The following HEG1 variants were observed in gnomAD, a reference collection of about 807,000 sequenced individuals.
The protein encoded by HEG1 is heart development protein with EGF like domains 1.
In HEG1, 56 loss-of-function variants were observed where a neutral mutation model predicts 125.6. The ratio of observed to expected loss-of-function variants is 0.45; its 90% CI spans 0.36 to 0.56. HEG1 has a LOEUF of 0.56. Among genes scored for constraint, HEG1 ranks in the 20% least tolerant of loss-of-function variants. HEG1 has a pLI of 0.00. For synonymous variants in HEG1, 644 were observed against 668.5 expected (o/e 0.96, Z 0.57); for missense variants, 1,523 against 1,670.0 (o/e 0.91, Z 1.53).
intron 1 of HEG1, among the ~76,000 whole-genome samples, chr3:125,038,297 G>A (rs746212506): frequency 6.6e-6 from 1 of 152,220 alleles, no homozygotes; most frequent in Non-Finnish European, 1.5e-5. Flanking sequence ...GGTATAGGGA[G>A]AGCTTAGGAC....
At chr3:124,983,091 C>A (rs965592273) in intron 14 of HEG1, among the ~76,000 whole-genome samples, 2 of 152,198 alleles carry the variant, frequency 1.3e-5, no homozygotes, top group African/African-American at 4.8e-5. Flanking sequence ...AGCTTCCTTC[C>A]TCCACTTCCT....
rs752041871 is a variant in HEG1 at position 125,009,791 on chromosome 3, G to C, written c.3107C>G (p.Ser1036Cys). The change falls in exon 8 of 17, where the codon TCC (serine) becomes TGC (cysteine). Residue 1036 changes from serine (S) to cysteine (C), a missense_variant. Ser to Cys is a moderately radical substitution (Grantham distance 112). Transcript: ENST00000311127. ...VNECLSNPCP[S>C]TAMCNNTQGS... is the part of the protein sequence containing the mutation. ...CTGAGTATTGTTGCACATGGCTGTG[G>C]ATGGGCAGGGGTTCGACAGGCACTC... 18 of 1,613,616 alleles carry C rather than the reference G, an allele frequency of 1.1e-5. No homozygotes were observed. In the South Asian group the frequency reaches 2.0e-4, roughly 18 times the overall value.
chr3:124,971,760 G>C (rs983847860), intron 16 of HEG1, among the ~76,000 whole-genome samples: 2 of 147,852 alleles, frequency 1.4e-5, no homozygotes, highest in Admixed American at 1.4e-4. Context: ...AAAGTGCTGG[G>C]ATTATAGGCG....
chr3:124,996,781 C>T (rs942733661), intron 12 of HEG1, among the ~76,000 whole-genome samples: 5 of 152,218 alleles, frequency 3.3e-5, no homozygotes, highest in Non-Finnish European at 7.3e-5. Flanking sequence ...ATTCCAGTAA[C>T]ATCCATTGAC....
At chr3:125,039,283 A>T (rs1317482318) in intron 1 of HEG1, among the ~76,000 whole-genome samples, 1 of 152,120 alleles carries the variant, frequency 6.6e-6, no homozygotes, top group Non-Finnish European at 1.5e-5. Flanking sequence ...ACAGCCCAAG[A>T]ATAGGATTTC....
At position 125,050,130 on chromosome 3, in the gene HEG1, T is replaced by G. The variant is rs537316571; in HGVS notation, c.316+5445A>C. 6.8e-5 allele frequency among the ~76,000 whole-genome samples: 10 copies of G among 147,382 alleles called. No homozygotes were observed. The East Asian group carries it at 1.8e-3, about 27-fold the overall frequency. On this transcript the variant is annotated intron_variant, in intron 1 of 16. Transcript: ENST00000311127. Reference sequence around the variant, plus strand: ...TTTGGGATTTTGTGGATGCCATTCATCCACCAACTCTCTTTTTTTTTTTTT... The same window carrying G: ...TTTGGGATTTTGTGGATGCCATTCAGCCACCAACTCTCTTTTTTTTTTTTT...
intron 1 of HEG1, among the ~76,000 whole-genome samples, chr3:125,030,657 T>C (rs1250325750): frequency 6.6e-6 from 1 of 152,214 alleles, no homozygotes; most frequent in Non-Finnish European, 1.5e-5. Context: ...TGGAGGTAGG[T>C]AGCAGACGTA....
At chr3:125,015,815 A>T (rs1241146220) in intron 5 of HEG1, among the ~76,000 whole-genome samples, 1 of 152,228 alleles carries the variant, frequency 6.6e-6, no homozygotes, top group African/African-American at 2.4e-5. Context: ...AAAAACAAAA[A>T]ACAGGCTCTT....
chr3:124,972,734 C>T (rs988754585), intron 16 of HEG1, among the ~76,000 whole-genome samples: 1 of 152,122 alleles, frequency 6.6e-6, no homozygotes, highest in Admixed American at 6.5e-5. Flanking sequence ...TTCGTGTTTG[C>T]TTTATGGTTG....
At chr3:125,038,922 C>T (rs1033946550) in intron 1 of HEG1, among the ~76,000 whole-genome samples, 1 of 152,082 alleles carries the variant, frequency 6.6e-6, no homozygotes, top group Non-Finnish European at 1.5e-5. Flanking sequence ...GGAGGGGGCA[C>T]CCTGGAGGCT....
At chr3:124,970,942 A>T in intron 16 of HEG1, 141 bp from the exon 17 acceptor site, 1 of 743,668 alleles carries the variant, frequency 1.3e-6, no homozygotes, top group Non-Finnish European at 2.2e-6. Flanking sequence ...AATTATTTCT[A>T]ATTTTTTTAA....
intron 15 of HEG1, among the ~76,000 whole-genome samples, chr3:124,977,244 T>G (rs575869725): frequency 4.5e-4 from 69 of 152,348 alleles, no homozygotes; most frequent in African/African-American, 1.7e-3. Context: ...TAAACCTCTT[T>G]ATTTTGCAGA....
In HEG1 at chr3:125,013,941, C is replaced by G. The variant is rs748469080; in HGVS notation, c.1638G>C (p.Arg546Ser). The part of the protein sequence containing the change: ...GQVRGTAIEQ[R>S]TSSDHTDHTY... ...TGTGGTCTGTGTGGTCGCTGGAAGT[C>G]CTTTGTTCAATAGCTGTGCCACGCA... The change falls in exon 6 of 17, where the codon AGG becomes AGC. Residue 546 changes from arginine to serine, a missense_variant. By Grantham distance (110) the Arg-to-Ser change is moderately radical. Coordinates refer to ENST00000311127, the MANE Select transcript of HEG1 (RefSeq NM_020733.2). The G allele has an allele frequency of 1.9e-6, 3 of 1,612,060 alleles. No individual in the cohort carries two copies. The highest frequency in any genetic ancestry group is 2.2e-5 in the South Asian group (2 of 90,872).
rs754502701 is a variant in HEG1, at chr3:125,001,999, C to A, written c.3370G>T (p.Val1124Leu). ...TVHASRESNA[V>L]VISLQTTFSL... ...AAGGTTGTTTGCAGTGAGATCACCA[C>A]CGCGTTGGACTCCCTATAGGCAAAG... Residue 1124 changes from valine to leucine, a missense_variant, in exon 11 of 17, where the codon GTG becomes TTG. By Grantham distance (32) the Val-to-Leu change is conservative (BLOSUM62 1). Coordinates refer to ENST00000311127, the MANE Select transcript of HEG1 (RefSeq NM_020733.2). 1 of 1,613,854 alleles carries A rather than the reference C, an allele frequency of 6.2e-7. No individual in the cohort carries two copies. The highest frequency in any genetic ancestry group is 1.7e-5 in the Admixed American group (1 of 60,002).
At chr3:125,011,735 C>T (rs1288407326) in intron 6 of HEG1, among the ~76,000 whole-genome samples, 1 of 152,334 alleles carries the variant, frequency 6.6e-6, no homozygotes, top group African/African-American at 2.4e-5. Flanking sequence ...CCAGCCACTA[C>T]AAAGCATCAT....
At chr3:124,980,548 G>T (rs1936629872) in intron 14 of HEG1, among the ~76,000 whole-genome samples, 2 of 151,892 alleles carry the variant, frequency 1.3e-5, no homozygotes, top group Admixed American at 1.3e-4. Flanking sequence ...ACAGACTCTG[G>T]CTCCATTGCC....
In HEG1 at chr3:125,029,527, G is replaced by GACAAGTTTGTCAGAGTTTA. The variant is rs745612626; in HGVS notation, c.317-40_317-39insTAAACTCTGACAAACTTGT. ...AGGATGCATCAGGGAGAGTTTGCTG[G>GACAAGTTTGTCAGAGTTTA]CTTCTGACAAGAAAAGTAAACCTTC... On this transcript the variant is annotated intron_variant, in intron 1 of 16. Coordinates refer to ENST00000311127, the MANE Select transcript of HEG1 (RefSeq NM_020733.2). The GACAAGTTTGTCAGAGTTTA allele has an allele frequency of 5.1e-6, 8 of 1,555,794 alleles. No homozygotes were observed. The South Asian group carries it at 9.4e-5, about 18-fold the overall frequency.
chr3:125,022,657 CA>C (rs1937352147), intron 3 of HEG1, among the ~76,000 whole-genome samples: 2 of 145,720 alleles, frequency 1.4e-5, no homozygotes. Context: ...CCAAACTAAA[CA>C]AAACAAACAA....
chr3:125,012,259 C>T (rs1043695150), intron 6 of HEG1, among the ~76,000 whole-genome samples: 1 of 152,198 alleles, frequency 6.6e-6, no homozygotes, highest in Non-Finnish European at 1.5e-5. Flanking sequence ...TTTCTCCACC[C>T]TACAATCCTG....
Sources: gnomAD v4.1 joint callset for allele counts (sites outside exome capture counted in the v4.1 genomes callset) on GRCh38, gnomAD v4.1.1 for gene constraint, MANE v1.5 for transcripts, NCBI Gene and HGNC (gene_info 2026-07-23, HGNC 2026-07-21) for gene names.